Variants in POC5 observed in about 807,000 individuals in gnomAD.
The protein encoded by POC5 is POC5 centriolar protein, also known as centrosomal protein POC5.
Under a neutral mutation model 62.9 loss-of-function variants are expected in POC5, and 48 were observed. The ratio of observed to expected loss-of-function variants is 0.76; its 90% CI spans 0.61 to 0.97. POC5 has a LOEUF of 0.97. Among genes scored for constraint, POC5 ranks in the 50% least tolerant of loss-of-function variants. The pLI is 0.00. For missense variants in POC5, 696 were observed against 679.5 expected (o/e 1.02, Z -0.27); for synonymous variants, 236 against 228.2 (o/e 1.03, Z -0.31).
At chr5:75,688,984 G>T in intron 9 of POC5, 28 bp downstream of exon 9, 1 of 1,508,674 alleles carries the variant, frequency 6.6e-7, no homozygotes, top group African/African-American at 1.4e-5. Flanking sequence ...TTTGAAATTA[G>T]GCAGAGAAAC....
intron 10 of POC5, among the ~76,000 whole-genome samples, chr5:75,684,301 G>A (rs1775994724): frequency 7.2e-6 from 1 of 139,344 alleles, no homozygotes. Flanking sequence ...ACACCCAATA[G>A]TGTTCTTCAA....
chr5:75,705,659 C>T, intron 4 of POC5, 45 bp downstream of exon 4: 1 of 1,219,138 alleles, frequency 8.2e-7, no homozygotes, highest in Non-Finnish European at 1.1e-6. Context: ...CATCAAACCA[C>T]AAAATGTTGT....
In POC5 at chr5:75,677,896, C is replaced by A. The variant is rs767581308; in HGVS notation, c.1462G>T (p.Ala488Ser). 6.2e-7 allele frequency: 1 copy of A among 1,611,082 alleles called. No individual in the cohort carries two copies. Among genetic ancestry groups the A allele is most frequent in the Non-Finnish European group, 8.5e-7 (1 of 1,178,510 alleles). ...AQQKAGRTIT[A>S]RITGRCDFAS... ...AAATCACATCTTCCTGTGATCCGGG[C>A]TGTAATAGTTCTTCCTGCTTTCTGT... Residue 488 changes from alanine (A) to serine (S), a missense_variant, in exon 11 of 12, where the codon GCC becomes TCC. By Grantham distance (99) the Ala-to-Ser change is moderately conservative (BLOSUM62 1). Transcript: ENST00000428202.
intron 2 of POC5, chr5:75,712,561 T>C: frequency 3.7e-6 from 4 of 1,087,964 alleles, no homozygotes; most frequent in Non-Finnish European, 5.4e-6. Context: ...GTAGCTAAAA[T>C]GAAAAAAATT....
intron 6 of POC5, among the ~76,000 whole-genome samples, chr5:75,694,139 C>G (rs1776459146): frequency 6.6e-6 from 1 of 151,946 alleles, no homozygotes; most frequent in South Asian, 2.1e-4. Context: ...CTATGAATAG[C>G]CACTGCTCTC....
chr5:75,684,762 C>A (rs532680664), intron 10 of POC5, among the ~76,000 whole-genome samples: 1 of 152,184 alleles, frequency 6.6e-6, no homozygotes, highest in South Asian at 2.1e-4. Context: ...ATGCTCTAGT[C>A]ACTTTGTGTA....
chr5:75,689,450 A>G, intron 8 of POC5: 1 of 984,920 alleles, frequency 1.0e-6, no homozygotes, highest in Non-Finnish European at 1.2e-6. Flanking sequence ...AAAAAGATAC[A>G]CCATTTTTTA....
chr5:75,682,698 G>A (rs1775915194), intron 10 of POC5, among the ~76,000 whole-genome samples: 1 of 151,492 alleles, frequency 6.6e-6, no homozygotes, highest in Admixed American at 6.6e-5. Flanking sequence ...TTGTATTTTT[G>A]TAGAGACAGG....
intron 11 of POC5, among the ~76,000 whole-genome samples, chr5:75,676,753 C>A (rs1056813652): frequency 1.3e-5 from 2 of 151,366 alleles, no homozygotes; most frequent in African/African-American, 2.4e-5. Flanking sequence ...ACCCAGGGGG[C>A]GGAGATTGCA....
At chr5:75,678,825 T>A (rs997907208) in intron 10 of POC5, among the ~76,000 whole-genome samples, 2 of 152,186 alleles carry the variant, frequency 1.3e-5, no homozygotes, top group Non-Finnish European at 2.9e-5. Context: ...CTTTTGCTGC[T>A]TATCGCTGGA....
chr5:75,715,119 T>C (rs1777497822), intron 1 of POC5, among the ~76,000 whole-genome samples: 1 of 151,988 alleles, frequency 6.6e-6, no homozygotes, highest in South Asian at 2.1e-4. Flanking sequence ...AAGACCATAC[T>C]AGCTAACACG....
intron 5 of POC5, among the ~76,000 whole-genome samples, chr5:75,696,469 G>A (rs539282202): frequency 6.1e-4 from 93 of 151,952 alleles, no homozygotes; most frequent in African/African-American, 2.2e-3. Context: ...TCACACGGCC[G>A]GGTACTCCAA....
chr5:75,709,331 A>G (rs1777249297), intron 2 of POC5, among the ~76,000 whole-genome samples: 1 of 152,238 alleles, frequency 6.6e-6, no homozygotes, highest in Admixed American at 6.5e-5. Context: ...TCATGAGAAT[A>G]AACATCTGTC....
At chr5:75,693,749 C>T (rs754050582) in intron 6 of POC5, among the ~76,000 whole-genome samples, 2 of 151,954 alleles carry the variant, frequency 1.3e-5, no homozygotes, top group Admixed American at 6.6e-5. Context: ...AGGTGTCTGC[C>T]CAAGTCCTCC....
At chr5:75,690,282 TC>T in intron 8 of POC5, 100 bp downstream of exon 8, 1 of 1,137,410 alleles carries the variant, frequency 8.8e-7, no homozygotes, top group Non-Finnish European at 1.2e-6. Context: ...TTGTCTGCAT[TC>T]TTGATTAAAG....
rs1776489499 is a variant in POC5, at chr5:75,694,791, A to C, written c.554T>G (p.Phe185Cys). ...CATTTCCATTCGGTGCCAGTCAATA[A>C]AATTAAGTCTCCATTTACTTAGTTC... ...ISELSKWRLNFIDWHRMEMRK... is the reference protein window; with the variant it reads ...ISELSKWRLNCIDWHRMEMRK... The change falls in exon 6 of 12, where the codon TTT becomes TGT. Residue 185 changes from phenylalanine (F) to cysteine (C), a missense_variant. Coordinates refer to ENST00000428202, the MANE Select transcript of POC5 (RefSeq NM_001099271.2). 1.3e-6 allele frequency: 2 copies of C among 1,570,220 alleles called. No individual in the cohort carries two copies. Among genetic ancestry groups the C allele is most frequent in the African/African-American group, 1.4e-5 (1 of 73,654 alleles).
chr5:75,696,980 T>C (rs537156475), intron 5 of POC5, among the ~76,000 whole-genome samples: 3 of 151,562 alleles, frequency 2.0e-5, no homozygotes, highest in Admixed American at 2.0e-4. Context: ...ATGAATGAAA[T>C]GAAGCAAGAA....
Position 75,685,198 on chromosome 5 carries a change from T to C in POC5, c.1407+9A>G. ...TTCATAAGGTGGGACCTGTATAAAC[T>C]GTACTAACCATTTCTTCTGATGCAG... On this transcript the variant is annotated intron_variant, in intron 10 of 11. Coordinates refer to ENST00000428202, the MANE Select transcript of POC5 (RefSeq NM_001099271.2). 6.3e-7 allele frequency: 1 copy of C among 1,597,502 alleles called. No individual in the cohort carries two copies. Among genetic ancestry groups the C allele is most frequent in the Non-Finnish European group, 8.5e-7 (1 of 1,171,764 alleles).
intron 1 of POC5, among the ~76,000 whole-genome samples, chr5:75,714,253 G>C (rs1375127630): frequency 6.6e-6 from 1 of 152,094 alleles, no homozygotes; most frequent in Admixed American, 6.5e-5. Flanking sequence ...CTGGTGGCAG[G>C]TGCCTGTAAT....
Sources: allele counts gnomAD v4.1 joint callset (sites outside exome capture counted in the v4.1 genomes callset), GRCh38; gene constraint gnomAD v4.1.1; transcripts MANE v1.5; gene names NCBI Gene and HGNC (gene_info 2026-07-23, HGNC 2026-07-21).